Variants in GAN observed in about 807,000 individuals in gnomAD.
GAN encodes gigaxonin, also known as epididymis secretory sperm binding protein.
In GAN, 48 loss-of-function variants were observed where a neutral mutation model predicts 71.3. The observed-to-expected ratio is 0.67, with a 90% confidence interval of 0.53 to 0.86. The LOEUF is 0.86. GAN is among the 40% of genes least tolerant of loss of function. GAN has a pLI of 0.00. For synonymous variants in GAN, 386 were observed against 276.8 expected, an observed-to-expected ratio of 1.39 and a Z score of -3.92; for missense variants, 928 against 770.1, an observed-to-expected ratio of 1.21 and a Z score of -2.43.
intron 1 of GAN, among the ~76,000 whole-genome samples, chr16:81,344,350 G>T (rs768788140): frequency 6.6e-6 from 1 of 152,082 alleles, no homozygotes. Context: ...GAGGCATCAC[G>T]CTACCTGACT....
rs1023866952 is a variant in GAN, at chr16:81,351,532, T to C, written c.168-51T>C. On this transcript the variant is annotated intron_variant, in intron 1 of 10. Transcript: ENST00000648994. Reference sequence around the variant, plus strand: ...AGAGTTTTGAGTACATAAATATTTATAGCTATTTCTGTTCTTTCATAGAAA... The same window carrying C: ...AGAGTTTTGAGTACATAAATATTTACAGCTATTTCTGTTCTTTCATAGAAA... 8 of 797,708 alleles carry C rather than the reference T, an allele frequency of 1.0e-5. No individual in the cohort carries two copies. In the African/African-American group the frequency reaches 1.2e-4, roughly 12 times the overall value. The allele number at this position is 797,708 out of a possible 1,614,324, so 49.4% of individuals were successfully genotyped here. A position where few individuals can be genotyped will look rare whatever the true frequency, so the allele number is the denominator to read the frequency against.
intron 1 of GAN, among the ~76,000 whole-genome samples, chr16:81,329,062 A>T (rs1170254935): frequency 6.6e-6 from 1 of 152,190 alleles, no homozygotes; most frequent in Non-Finnish European, 1.5e-5. Context: ...ATTAGACATA[A>T]TGATGATTTA....
intron 1 of GAN, among the ~76,000 whole-genome samples, chr16:81,333,021 C>A (rs543467066): frequency 6.6e-6 from 1 of 152,166 alleles, no homozygotes; most frequent in Admixed American, 6.5e-5. Context: ...GGGCAGATCA[C>A]AAGGTCAGGA....
chr16:81,331,805 G>A (rs751368671), intron 1 of GAN, among the ~76,000 whole-genome samples: 9 of 152,306 alleles, frequency 5.9e-5, no homozygotes, highest in Non-Finnish European at 5.9e-5. Flanking sequence ...TGGGCCGTAC[G>A]CCCAGACTGG....
chr16:81,351,772 A>G (rs1467571296), intron 2 of GAN, 75 bp downstream of exon 2: 3 of 788,104 alleles, frequency 3.8e-6, no homozygotes, highest in East Asian at 2.4e-5. Flanking sequence ...CCTTTCATCC[A>G]TTATATGACA....
rs540639738 is a variant in GAN, at chr16:81,321,814, G to A, written c.167+6534G>A. On this transcript the variant is annotated intron_variant, in intron 1 of 10. Coordinates refer to ENST00000648994, the MANE Select transcript of GAN (RefSeq NM_022041.4). ...AATTCTGGGTTAAGGGTGGAGATAC[G>A]GGGGTGTGAGATGTGACACGTGGCA... 1.9e-4 allele frequency among the ~76,000 whole-genome samples: 29 copies of A among 152,254 alleles called. No homozygotes were observed. In the South Asian group the frequency reaches 4.6e-3, roughly 24 times the overall value.
chr16:81,367,802 A>T (rs1046375952), intron 9 of GAN, among the ~76,000 whole-genome samples: 1 of 152,216 alleles, frequency 6.6e-6, no homozygotes. Context: ...ACACACAAGG[A>T]GCAAGAAGCT....
intron 1 of GAN, among the ~76,000 whole-genome samples, chr16:81,342,030 CAAAG>C (rs1189210895): frequency 2.0e-5 from 3 of 152,050 alleles, no homozygotes; most frequent in Non-Finnish European, 4.4e-5. Flanking sequence ...TCAGAAGAGA[CAAAG>C]AAGGCCATTA....
Position 81,386,524 on chromosome 16 carries a change from A to G in GAN, c.*8928A>G, listed in dbSNP as rs970323045. ...AAACAGTGAACTACTTAATCCTTCT[A>G]TGGTATCATACACTTCTTTTCCTGG... is the stretch of plus-strand genomic sequence containing the variant. On this transcript the variant is annotated 3_prime_UTR_variant, in exon 11 of 11. Coordinates refer to ENST00000648994, the MANE Select transcript of GAN (RefSeq NM_022041.4). 4 of 152,242 alleles carry G rather than the reference A, an allele frequency of 2.6e-5. No homozygotes were observed. Among genetic ancestry groups the G allele is most frequent in the African/African-American group, 7.2e-5 (3 of 41,466 alleles). 9.4% of individuals were successfully genotyped at this position (152,242 alleles called of 1,614,324 possible).
chr16:81,349,605 C>T (rs2150682744), intron 1 of GAN, among the ~76,000 whole-genome samples: 1 of 152,248 alleles, frequency 6.6e-6, no homozygotes, highest in Middle Eastern at 3.4e-3. Context: ...GATTGCGCCA[C>T]TGCACTCCAG....
chr16:81,364,930 A>G (rs754003530), intron 7 of GAN, 44 bp from the exon 8 acceptor site: 7 of 1,603,698 alleles, frequency 4.4e-6, no homozygotes, highest in Admixed American at 1.7e-5. Flanking sequence ...CCTGACCTGA[A>G]TGAGAAATGT....
In GAN at chr16:81,390,729, T is replaced by C. The variant is rs1904536106; in HGVS notation, c.*13133T>C. 1 of 152,236 alleles carries C rather than the reference T, an allele frequency of 6.6e-6. No homozygotes were observed. 9.4% of individuals were successfully genotyped at this position (152,236 alleles called of 1,614,324 possible). A position where few individuals can be genotyped will look rare whatever the true frequency, so the allele number is the denominator to read the frequency against. On this transcript the variant is annotated 3_prime_UTR_variant, in exon 11 of 11. Coordinates refer to ENST00000648994, the MANE Select transcript of GAN (RefSeq NM_022041.4). ...GAAGTTCACTTAAAAACTTGAAATA[T>C]TTTCTAGAAGGGTACCACACAAAAG... is the stretch of plus-strand genomic sequence containing the variant.
intron 1 of GAN, among the ~76,000 whole-genome samples, chr16:81,340,643 C>G (rs1044263394): frequency 3.9e-5 from 6 of 152,112 alleles, no homozygotes. Flanking sequence ...TCACCAACAT[C>G]AAAGACCCAA....
chr16:81,358,730 G>A (rs1015412615), intron 5 of GAN, among the ~76,000 whole-genome samples: 1 of 152,144 alleles, frequency 6.6e-6, no homozygotes, highest in African/African-American at 2.4e-5. Flanking sequence ...TTTGAAAACT[G>A]CTCTACTTTA....
Position 81,382,000 on chromosome 16 carries a change from C to G in GAN, c.*4404C>G, listed in dbSNP as rs1031735678. On this transcript the variant is annotated 3_prime_UTR_variant, in exon 11 of 11. Transcript: ENST00000648994. ...ACCCTCTATATGGGACTATGAGACC[C>G]TCTATAGACTCAGCACAGCTTATAA... is the stretch of plus-strand genomic sequence containing the variant. 1 of 152,138 alleles carries G rather than the reference C, an allele frequency of 6.6e-6. No individual in the cohort carries two copies. The highest frequency in any genetic ancestry group is 1.5e-5 in the Non-Finnish European group (1 of 68,022). The allele number at this position is 152,138 out of a possible 1,614,324, so 9.4% of individuals were successfully genotyped here. A position where few individuals can be genotyped will look rare whatever the true frequency, so the allele number is the denominator to read the frequency against.
At position 81,356,897 on chromosome 16, in the gene GAN, G is replaced by A. The variant is rs1369405853; in HGVS notation, c.746G>A (p.Ser249Asn). Residue 249 changes from serine to asparagine, a missense_variant, in exon 4 of 11, where the codon AGC becomes AAC. Physicochemically the swap from Ser to Asn is conservative, Grantham distance 46. Coordinates refer to ENST00000648994, the MANE Select transcript of GAN (RefSeq NM_022041.4). ...GTACGAGAAATTGTCAAAGAGTGTA[G>A]CAATATACCGCTCAGCCAGCCGCAG... ...PLVREIVKECSNIPLSQPQQG... is the reference protein window; with the variant it reads ...PLVREIVKECNNIPLSQPQQG... 2 of 1,613,752 alleles carry A rather than the reference G, an allele frequency of 1.2e-6. No individual in the cohort carries two copies.
intron 1 of GAN, among the ~76,000 whole-genome samples, chr16:81,326,800 A>C (rs1909405134): frequency 6.6e-6 from 1 of 152,228 alleles, no homozygotes; most frequent in Non-Finnish European, 1.5e-5. Context: ...GTGTATCTAA[A>C]CATAGAAAAG....
At chr16:81,346,832 C>G (rs1480173802) in intron 1 of GAN, among the ~76,000 whole-genome samples, 3 of 152,198 alleles carry the variant, frequency 2.0e-5, no homozygotes, top group African/African-American at 7.2e-5. Context: ...CAGGTCTCTT[C>G]ACCAGAACCA....
rs138017977 is a variant in GAN, at chr16:81,340,536, C to G, written c.168-11047C>G. ...CCAGCAAACCCCCACAGACCTGCAGCTGAGGGGCCTCTCTGTTAGAAGGAA... is the reference window on the plus strand; with the variant it reads ...CCAGCAAACCCCCACAGACCTGCAGGTGAGGGGCCTCTCTGTTAGAAGGAA... On this transcript the variant is annotated intron_variant, in intron 1 of 10. Coordinates refer to ENST00000648994, the MANE Select transcript of GAN (RefSeq NM_022041.4). Among the ~76,000 whole-genome samples, 239 of 152,196 alleles carry G rather than the reference C, an allele frequency of 1.6e-3. 5 individuals are homozygous for G. The East Asian group carries it at 0.043, about 28-fold the overall frequency.
Sources: allele counts gnomAD v4.1 joint callset (sites outside exome capture counted in the v4.1 genomes callset), GRCh38; gene constraint gnomAD v4.1.1; transcripts MANE v1.5; gene names NCBI Gene and HGNC (gene_info 2026-07-23, HGNC 2026-07-21).